The following WNT9B variants were observed in gnomAD, a reference collection of about 807,000 sequenced individuals.
The protein encoded by WNT9B is Wnt family member 9B.
WNT9B carries 12 observed loss-of-function variants against 30.2 expected under a neutral mutation model. The ratio of observed to expected loss-of-function variants is 0.40; its 90% confidence interval spans 0.26 to 0.64. The LOEUF is 0.64. WNT9B is among the 30% of genes least tolerant of loss of function. The pLI is 0.42. For synonymous variants in WNT9B, 218 were observed against 216.9 expected, an observed-to-expected ratio of 1.01 and a Z score of -0.05; for missense variants, 442 against 485.2, an observed-to-expected ratio of 0.91 and a Z score of 0.84.
At position 46,833,370 on chromosome 17, in the gene WNT9B, G is replaced by C. The variant is rs1189581825; in HGVS notation, c.25G>C (p.Asp9His). 7.7e-6 allele frequency: 4 copies of C among 518,602 alleles called. No homozygotes were observed. In the Admixed American group the frequency reaches 7.8e-5, roughly 10 times the overall value. The allele number at this position is 518,602 out of a possible 1,614,324, so 32.1% of individuals were successfully genotyped here. The change falls in exon 1 of 3, where the codon GAT (aspartate) becomes CAT (histidine). Residue 9 changes from aspartate to histidine, a missense_variant. Physicochemically the swap from Asp to His is moderately conservative, Grantham distance 81 (BLOSUM62 -1). Coordinates refer to the WNT9B transcript ENST00000575372. ...CATGAAAGGACGGGCAGTTTCTTTT[G>C]ATCCTCTGGCATGCCAAGGCCTGAA... is the stretch of plus-strand genomic sequence containing the variant.
At chr17:46,882,182 A>T (rs926663850), downstream of WNT9B, among the ~76,000 whole-genome samples, 3 of 152,190 alleles carry the variant, frequency 2.0e-5, no homozygotes, top group African/African-American at 7.2e-5. Context: ...AAAAATTTTT[A>T]AAACATGTTT....
intron 1 of WNT9B, 133 bp from the exon 2 acceptor site, chr17:46,872,383 GA>G: frequency 7.5e-7 from 1 of 1,331,678 alleles, no homozygotes; most frequent in Non-Finnish European, 9.7e-7. Context: ...GTAAAATGGG[GA>G]CGGGACCTCC....
At chr17:46,835,891 G>A (rs1033172588) in intron 1 of WNT9B, among the ~76,000 whole-genome samples, 8 of 152,230 alleles carry the variant, frequency 5.3e-5, no homozygotes, top group Non-Finnish European at 1.0e-4. Context: ...AAGAAGAGTG[G>A]AGACAGGAGA....
intron 3 of WNT9B, 141 bp from the exon 4 acceptor site, chr17:46,876,104 C>G (rs2085340509): frequency 1.3e-6 from 1 of 767,580 alleles, no homozygotes. Flanking sequence ...AACTCCAGGC[C>G]AAGGGGAGGA....
chr17:46,870,007 AT>A (rs1410947348), intron 1 of WNT9B, among the ~76,000 whole-genome samples: 4 of 152,046 alleles, frequency 2.6e-5, no homozygotes, highest in Admixed American at 6.6e-5. Context: ...AAAAAAAAAA[AT>A]GTTATATATC....
chr17:46,881,975 T>C (rs1045901684), downstream of WNT9B, among the ~76,000 whole-genome samples: 5 of 152,132 alleles, frequency 3.3e-5, no homozygotes, highest in East Asian at 3.9e-4. Flanking sequence ...ACTTCCCCAA[T>C]TGTCCCTCAA....
intron 1 of WNT9B, among the ~76,000 whole-genome samples, chr17:46,859,109 T>C (rs1312907027): frequency 2.0e-5 from 3 of 152,024 alleles, no homozygotes; most frequent in African/African-American, 7.2e-5. Flanking sequence ...CCTGAGTAGC[T>C]GGAAGTACAG....
chr17:46,838,694 G>A (rs1213040697), intron 1 of WNT9B, among the ~76,000 whole-genome samples: 4 of 151,806 alleles, frequency 2.6e-5, no homozygotes, highest in East Asian at 1.9e-4. Flanking sequence ...ACACATCCAC[G>A]TATATGTAAA....
At chr17:46,860,915 A>G (rs190913897) in intron 1 of WNT9B, among the ~76,000 whole-genome samples, 1 of 152,192 alleles carries the variant, frequency 6.6e-6, no homozygotes, top group Admixed American at 6.5e-5. Context: ...CTAGAGTGCA[A>G]TGGCTTGATC....
At chr17:46,854,405 TGAGGCCGATCTTC>T (rs2084905887) in intron 1 of WNT9B, among the ~76,000 whole-genome samples, 1 of 152,010 alleles carries the variant, frequency 6.6e-6, no homozygotes, top group Non-Finnish European at 1.5e-5. Context: ...GGAGGGCAGG[TGAGGCCGATCTTC>T]TTGGGCTCTT....
chr17:46,845,860 C>T (rs991755837), intron 1 of WNT9B, among the ~76,000 whole-genome samples: 2 of 142,574 alleles, frequency 1.4e-5, no homozygotes, highest in Admixed American at 1.5e-4. Context: ...GTGTGGTCTC[C>T]TTTCACTGCA....
At chr17:46,849,908 C>T (rs548555303), upstream of WNT9B, among the ~76,000 whole-genome samples, 4 of 148,822 alleles carry the variant, frequency 2.7e-5, no homozygotes, top group East Asian at 2.0e-4. Flanking sequence ...AGTGCAATGG[C>T]GTGATTTCGG....
At chr17:46,838,245 G>T (rs1223788295) in intron 1 of WNT9B, among the ~76,000 whole-genome samples, 3 of 151,976 alleles carry the variant, frequency 2.0e-5, no homozygotes, top group African/African-American at 7.3e-5. Context: ...TGGTGGTAAG[G>T]TGGGGAGGGA....
Position 46,876,663 on chromosome 17 carries a change from A to G in WNT9B, c.1019A>G (p.Tyr340Cys), listed in dbSNP as rs1334112263. ...CACTGCCAGGTGCAGTGGTGCTGCT[A>G]CGTGGAGTGCCAGCAATGTGTGCAG... ...SCHCQVQWCC[Y>C]VECQQCVQEE... Residue 340 changes from tyrosine to cysteine, a missense_variant, in exon 4 of 4, where the codon TAC becomes TGC. Coordinates refer to ENST00000290015, the MANE Select transcript of WNT9B (RefSeq NM_003396.3). The G allele has an allele frequency of 6.3e-7, 1 of 1,597,714 alleles. No individual in the cohort carries two copies. The highest frequency in any genetic ancestry group is 1.3e-5 in the African/African-American group (1 of 74,704).
chr17:46,872,803 G>A, intron 2 of WNT9B, 30 bp downstream of exon 2: 1 of 1,434,778 alleles, frequency 7.0e-7, no homozygotes, highest in African/African-American at 1.4e-5. Context: ...GACGGGGAGG[G>A]CTGGGGGAAG....
intron 1 of WNT9B, among the ~76,000 whole-genome samples, chr17:46,841,802 G>A (rs576145587): frequency 5.9e-5 from 9 of 152,374 alleles, no homozygotes; most frequent in Admixed American, 2.0e-4. Flanking sequence ...GAGACCTTGA[G>A]CAACCACGTC....
At chr17:46,853,460 C>A (rs915107399) in intron 1 of WNT9B, among the ~76,000 whole-genome samples, 1 of 146,260 alleles carries the variant, frequency 6.8e-6, no homozygotes, top group Non-Finnish European at 1.5e-5. Flanking sequence ...CAACCTCCAT[C>A]TCATGGGTTC....
upstream of WNT9B, among the ~76,000 whole-genome samples, chr17:46,850,918 C>T (rs1173523322): frequency 6.6e-6 from 1 of 152,146 alleles, no homozygotes; most frequent in Non-Finnish European, 1.5e-5. Flanking sequence ...TTGTCAAAAG[C>T]CCACGGAGGC....
Position 46,851,740 on chromosome 17 carries a change from C to T in WNT9B, c.77+25C>T. ...GGTCAGTGCCCGCCGCGCCCCCCGCCCGCTCCCCGGCCTGCCTGTCTCTCC... is the reference window on the plus strand; with the variant it reads ...GGTCAGTGCCCGCCGCGCCCCCCGCTCGCTCCCCGGCCTGCCTGTCTCTCC... On this transcript the variant is annotated intron_variant, in intron 1 of 3. Coordinates refer to ENST00000290015, the MANE Select transcript of WNT9B (RefSeq NM_003396.3). This position sits in a 1 kb window ranked among gnomAD's most constrained non-coding sequence, Gnocchi z 4.3. 8.1e-7 allele frequency: 1 copy of T among 1,231,232 alleles called. No individual in the cohort carries two copies. The highest frequency in any genetic ancestry group is 1.0e-6 in the Non-Finnish European group (1 of 976,496). The allele number at this position is 1,231,232 out of a possible 1,614,324, so 76.3% of individuals were successfully genotyped here.
Sources: gnomAD v4.1 joint callset for allele counts (sites outside exome capture counted in the v4.1 genomes callset) on GRCh38, gnomAD v4.1.1 for gene constraint, Gnocchi (gnomAD v3.1) non-coding constraint, MANE v1.5 for transcripts, NCBI Gene and HGNC (gene_info 2026-07-23, HGNC 2026-07-21) for gene names.